The following ERG variants were observed in gnomAD, a reference collection of about 807,000 sequenced individuals.
The protein encoded by ERG is transcriptional regulator ERG.
ERG carries 9 observed loss-of-function variants against 55.3 expected under a neutral mutation model. That is an observed-to-expected ratio of 0.16 (90% CI 0.10 to 0.28). ERG has a LOEUF of 0.28. Ranked by LOEUF, ERG falls within the 10% of genes least tolerant of loss-of-function variation. The pLI, the probability that ERG is intolerant of heterozygous loss-of-function variation, is 1.00. For synonymous variants in ERG, 223 were observed against 237.3 expected, an observed-to-expected ratio of 0.94 and a Z score of 0.55; for missense variants, 434 against 631.6, an observed-to-expected ratio of 0.69 and a Z score of 3.35.
intron 1 of ERG, among the ~76,000 whole-genome samples, chr21:38,612,282 T>C (rs1056979128): frequency 5.3e-5 from 8 of 152,250 alleles, no homozygotes; most frequent in African/African-American, 1.9e-4. Flanking sequence ...TTTACATTAA[T>C]TTTACCTTTC....
chr21:38,609,686 G>A (rs754749094), intron 1 of ERG, among the ~76,000 whole-genome samples: 1 of 152,246 alleles, frequency 6.6e-6, no homozygotes, highest in African/African-American at 2.4e-5. Context: ...ACACATGTGT[G>A]CAGGTGCACA....
At chr21:38,579,254 C>T (rs2060013621) in intron 1 of ERG, among the ~76,000 whole-genome samples, 1 of 152,182 alleles carries the variant, frequency 6.6e-6, no homozygotes, top group Non-Finnish European at 1.5e-5. Flanking sequence ...AAGACATAAA[C>T]TAAATGAGCA....
chr21:38,621,931 A>C (rs752077967), intron 1 of ERG, among the ~76,000 whole-genome samples: 1 of 152,348 alleles, frequency 6.6e-6, no homozygotes, highest in East Asian at 1.9e-4. Context: ...TGAGTACACA[A>C]GGTGCGAAGT....
chr21:38,530,260 G>GT (rs1477435770), intron 2 of ERG, among the ~76,000 whole-genome samples: 1 of 151,872 alleles, frequency 6.6e-6, no homozygotes, highest in Non-Finnish European at 1.5e-5. Context: ...GGGTTTCATC[G>GT]TGTTGGCCAG....
intron 1 of ERG, among the ~76,000 whole-genome samples, chr21:38,614,362 G>A (rs2060246483): frequency 6.6e-6 from 1 of 152,174 alleles, no homozygotes; most frequent in Non-Finnish European, 1.5e-5. Context: ...ACATTCCCAG[G>A]CTTCCTTATA....
At chr21:38,397,224 C>T (rs73434919) in intron 6 of ERG, among the ~76,000 whole-genome samples, 4,622 of 152,108 alleles carry the variant, frequency 0.03, 222 homozygotes, top group African/African-American at 0.1. Context: ...ACAGCAGCAG[C>T]GAGACTGACC....
rs2059051095 is a variant in ERG at position 38,462,338 on chromosome 21, T to C, written c.19-16717A>G. On this transcript the variant is annotated intron_variant, in intron 1 of 9. Transcript: ENST00000288319. ...AGTAAATGTTTCAAAATTTCTGTTT[T>C]TGTTTCTACCAATAGATATAATGCA... is the stretch of plus-strand genomic sequence containing the variant. 2.6e-5 allele frequency among the ~76,000 whole-genome samples: 4 copies of C among 151,314 alleles called. No individual in the cohort carries two copies. The South Asian group carries it at 8.4e-4, about 32-fold the overall frequency.
intron 2 of ERG, among the ~76,000 whole-genome samples, chr21:38,519,453 A>G (rs1057125178): frequency 6.6e-6 from 1 of 152,162 alleles, no homozygotes; most frequent in African/African-American, 2.4e-5. Flanking sequence ...CCATGGAGGG[A>G]AAAAGTCACT....
At chr21:38,635,302 C>T (rs2060381559) in intron 1 of ERG, among the ~76,000 whole-genome samples, 1 of 152,034 alleles carries the variant, frequency 6.6e-6, no homozygotes, top group Admixed American at 6.6e-5. Flanking sequence ...TAATAGTAGG[C>T]TCACATTTGT....
At chr21:38,593,124 T>C (rs1473116823) in intron 1 of ERG, among the ~76,000 whole-genome samples, 1 of 152,252 alleles carries the variant, frequency 6.6e-6, no homozygotes, top group Non-Finnish European at 1.5e-5. Flanking sequence ...TTGAGGTGGC[T>C]GCCAGCTTCC....
intron 1 of ERG, among the ~76,000 whole-genome samples, chr21:38,454,835 C>T (rs1305145947): frequency 2.6e-5 from 4 of 152,172 alleles, no homozygotes; most frequent in African/African-American, 9.7e-5. Flanking sequence ...ATCTACCTAA[C>T]AGAGGGGAAG....
Position 38,418,279 on chromosome 21 carries a change from G to GTGTGTGTC in ERG, c.388+5130_388+5131insGACACACA, listed in dbSNP as rs756667793. Among the ~76,000 whole-genome samples the GTGTGTGTC allele has an allele frequency of 3.7e-3, 464 of 126,170 alleles. 3 individuals are homozygous for GTGTGTGTC. Among genetic ancestry groups the GTGTGTGTC allele is most frequent in the Non-Finnish European group, 4.8e-3 (255 of 53,608 alleles). 82.8% of individuals were successfully genotyped at this position (126,170 alleles called of 152,430 possible). The stretch of plus-strand genomic sequence containing the variant: ...GTTTGGAACATTTGGAAGTGTGTGT[G>GTGTGTGTC]TGTGTGTGTGTGTGTGTGTGTGTCT... On this transcript the variant is annotated intron_variant, in intron 3 of 9. Coordinates refer to ENST00000288319, the MANE Select transcript of ERG (RefSeq NM_182918.4).
chr21:38,638,261 G>C (rs916990197), intron 1 of ERG, among the ~76,000 whole-genome samples: 12 of 152,218 alleles, frequency 7.9e-5, no homozygotes, highest in African/African-American at 2.4e-4. Context: ...CTCCCAGTGG[G>C]TTGTTGTGAG....
At chr21:38,572,832 T>A (rs1697089924) in intron 2 of ERG, among the ~76,000 whole-genome samples, 1 of 145,046 alleles carries the variant, frequency 6.9e-6, no homozygotes, top group Non-Finnish European at 1.5e-5. Flanking sequence ...CATTAACCAA[T>A]ACGATCAACC....
intron 1 of ERG, chr21:38,471,158 C>G (rs891826782): frequency 1.3e-5 from 2 of 152,186 alleles, no homozygotes; most frequent in African/African-American, 2.4e-5. Context: ...AATAGATAAA[C>G]AGTTCTGTCA....
chr21:38,513,570 A>C (rs894611028), intron 2 of ERG, among the ~76,000 whole-genome samples: 1 of 152,206 alleles, frequency 6.6e-6, no homozygotes, highest in Non-Finnish European at 1.5e-5. Flanking sequence ...ATTAGAGCAC[A>C]TTTTATGGCA....
At chr21:38,616,023 C>A (rs867524550) in intron 1 of ERG, among the ~76,000 whole-genome samples, 1 of 152,094 alleles carries the variant, frequency 6.6e-6, no homozygotes, top group East Asian at 1.9e-4. Context: ...GTAAACCCCA[C>A]GTGTCAAGAA....
intron 1 of ERG, among the ~76,000 whole-genome samples, chr21:38,646,350 T>C (rs2060456716): frequency 6.6e-6 from 1 of 151,822 alleles, no homozygotes; most frequent in African/African-American, 2.4e-5. Flanking sequence ...TAACATCCTT[T>C]ACCATTTAAT....
rs534008606 is a variant in ERG at position 38,579,966 on chromosome 21, G to T, written c.-126-4219C>A. ...CTCCCAAGTAGCTGGGACTACAGCCGCCCACCACCACGCCTGGCTAATTTT... is the reference window on the plus strand; with the variant it reads ...CTCCCAAGTAGCTGGGACTACAGCCTCCCACCACCACGCCTGGCTAATTTT... On this transcript the variant is annotated intron_variant, in intron 1 of 8. Transcript: ENST00000398897. 1.2e-3 allele frequency among the ~76,000 whole-genome samples: 178 copies of T among 152,038 alleles called. 1 individual carries two copies. Among genetic ancestry groups the T allele is most frequent in the African/African-American group, 4.3e-3 (178 of 41,482 alleles).
Sources: allele counts gnomAD v4.1 joint callset (sites outside exome capture counted in the v4.1 genomes callset), GRCh38; gene constraint gnomAD v4.1.1; transcripts MANE v1.5; gene names NCBI Gene and HGNC (gene_info 2026-07-23, HGNC 2026-07-21).